The following ARHGEF3 variants were observed in gnomAD, a reference collection of about 807,000 sequenced individuals.
The protein encoded by ARHGEF3 is 59.8 kDA protein.
A neutral mutation model predicts 63.2 loss-of-function variants in ARHGEF3; 28 were observed. That is an observed-to-expected ratio of 0.44 (90% CI 0.33 to 0.61). The LOEUF (loss-of-function observed/expected upper bound fraction) is 0.61, where lower values mean the gene tolerates loss of function less well. ARHGEF3 is among the 20% of genes least tolerant of loss of function. The pLI, the probability that ARHGEF3 is intolerant of heterozygous loss-of-function variation, is 0.03. For missense variants in ARHGEF3, 533 were observed against 659.3 expected (o/e 0.81, Z 2.10); for synonymous variants, 266 against 254.2 (o/e 1.05, Z -0.44).
chr3:56,982,711 T>C (rs1315065824), intron 2 of ARHGEF3, among the ~76,000 whole-genome samples: 6 of 152,144 alleles, frequency 3.9e-5, no homozygotes, highest in Admixed American at 2.6e-4. Flanking sequence ...AATGAGGAAA[T>C]GGATGATGGA....
In ARHGEF3 at chr3:57,001,022, C is replaced by T. The variant is rs770652622; in HGVS notation, c.62+34066G>A. 7.0e-4 allele frequency among the ~76,000 whole-genome samples: 106 copies of T among 152,244 alleles called. 1 individual carries two copies. Among genetic ancestry groups the T allele is most frequent in the Middle Eastern group, 3.4e-3 (1 of 294 alleles). ...TGGCACTATCATAAGTCACTGCAGC[C>T]TCAAATCCCTGGGCTCAAGCAATCC... On this transcript the variant is annotated intron_variant, in intron 2 of 12. Transcript: ENST00000338458.
At chr3:56,828,901 CATTT>C (rs979535473) in intron 4 of ARHGEF3, among the ~76,000 whole-genome samples, 7 of 152,020 alleles carry the variant, frequency 4.6e-5, no homozygotes, top group Admixed American at 3.3e-4. Flanking sequence ...TTCTCTGGGA[CATTT>C]ATTTATTAAT....
intron 6 of ARHGEF3, among the ~76,000 whole-genome samples, chr3:56,750,557 T>C (rs2107754213): frequency 6.6e-6 from 1 of 152,288 alleles, no homozygotes; most frequent in Non-Finnish European, 1.5e-5. Context: ...TGAGATTTTT[T>C]TTATGGCCTA....
At chr3:56,865,956 C>T (rs74983129) in intron 4 of ARHGEF3, among the ~76,000 whole-genome samples, 3 of 151,596 alleles carry the variant, frequency 2.0e-5, no homozygotes, top group South Asian at 2.1e-4. Context: ...CTCTGTTAGC[C>T]GTAGGTGAAT....
intron 2 of ARHGEF3, among the ~76,000 whole-genome samples, chr3:56,970,110 G>A (rs1036149796): frequency 2.0e-5 from 3 of 152,284 alleles, no homozygotes; most frequent in East Asian, 1.9e-4. Flanking sequence ...TCTGGAATTC[G>A]ATAGTGGTGA....
In ARHGEF3 at chr3:56,729,497, A is replaced by C; in HGVS notation, c.1354T>G (p.Leu452Val). The C allele has an allele frequency of 6.2e-7, 1 of 1,613,956 alleles. No individual in the cohort carries two copies. Among genetic ancestry groups the C allele is most frequent in the Non-Finnish European group, 8.5e-7 (1 of 1,179,994 alleles). ...NCIRQAKETV[L>V]CAAGQAGVLD... ...ACCCCAGCTTGCCCGGCAGCACACA[A>C]AACTGTTTCTTTGGCTTGACGAATA... Residue 452 changes from leucine (L) to valine (V), a missense_variant, in exon 10 of 10, where the codon TTG becomes GTG. Physicochemically the swap from Leu to Val is conservative, Grantham distance 32. This residue lies in a region of ARHGEF3 where 115 missense variants were observed against 103.4 expected (regional missense o/e 1.11). Coordinates refer to ENST00000296315, the MANE Select transcript of ARHGEF3 (RefSeq NM_019555.3).
upstream of ARHGEF3, chr3:56,802,018 C>T (rs2037684697): frequency 1.4e-6 from 2 of 1,426,920 alleles, no homozygotes; most frequent in South Asian, 2.9e-5. Flanking sequence ...GGCGGGCCGC[C>T]GGCTCGGCAC....
At position 56,995,620 on chromosome 3, in the gene ARHGEF3, C is replaced by CGAGAGAGAGAGAGAGAGA. The variant is rs66778716; in HGVS notation, c.63-36749_63-36732dup. 1.4e-3 allele frequency among the ~76,000 whole-genome samples: 162 copies of CGAGAGAGAGAGAGAGAGA among 113,218 alleles called. 1 individual carries two copies. The highest frequency in any genetic ancestry group is 3.6e-3 in the South Asian group (12 of 3,318). 74.3% of individuals were successfully genotyped at this position (113,218 alleles called of 152,430 possible). ...AGGGGGCAAAAGAGAGTAAATTTTC[C>CGAGAGAGAGAGAGAGAGA]GAGAGAGAGAGAGAGAGAGAGAGAG... is the stretch of plus-strand genomic sequence containing the variant. On this transcript the variant is annotated intron_variant, in intron 2 of 12. Coordinates refer to the ARHGEF3 transcript ENST00000338458.
intron 1 of ARHGEF3, 123 bp downstream of exon 1, chr3:56,801,580 C>A: frequency 7.7e-7 from 1 of 1,298,042 alleles, no homozygotes; most frequent in Non-Finnish European, 1.0e-6. Flanking sequence ...GAAAGTGGCA[C>A]ACACGGAGAG....
rs1378018217 is a variant in ARHGEF3 at position 57,063,290 on chromosome 3, AG to A, written c.-28+15935del. Among the ~76,000 whole-genome samples the A allele has an allele frequency of 2.0e-5, 3 of 152,192 alleles. No individual in the cohort carries two copies. In the East Asian group the frequency reaches 5.8e-4, roughly 29 times the overall value. On this transcript the variant is annotated intron_variant, in intron 1 of 12. Coordinates refer to the ARHGEF3 transcript ENST00000338458. ...CCAGATCACATGGGGCCTTGCAGCC[AG>A]CCACCCTAAAGGCTTTGGCTTTGTT...
chr3:56,809,933 A>G (rs1205656526), intron 4 of ARHGEF3, among the ~76,000 whole-genome samples: 1 of 151,980 alleles, frequency 6.6e-6, no homozygotes, highest in Non-Finnish European at 1.5e-5. Context: ...GGGTTTCACC[A>G]TGTGGGTCAG....
chr3:56,801,781 G>A lies in ARHGEF3; in HGVS notation c.18C>T (p.Tyr6=). 6.4e-7 allele frequency: 1 copy of A among 1,565,972 alleles called. No homozygotes were observed. Among genetic ancestry groups the A allele is most frequent in the Non-Finnish European group, 8.7e-7 (1 of 1,154,062 alleles). ...CTCTCTTGACCGTGAGGTAGAAGGG[G>A]TAATCCTTGGCCACCATGGCGGCTG... MVAKD[Y]PFYLTVKRAN... Residue 6 remains tyrosine (Y), a synonymous_variant, in exon 1 of 10, where the codon TAC becomes TAT. Coordinates refer to ENST00000296315, the MANE Select transcript of ARHGEF3 (RefSeq NM_019555.3).
At chr3:57,015,438 G>T (rs781407867) in intron 2 of ARHGEF3, among the ~76,000 whole-genome samples, 2 of 151,858 alleles carry the variant, frequency 1.3e-5, no homozygotes, top group Admixed American at 1.3e-4. Context: ...ATTCGGAAAG[G>T]GATATTTAAA....
chr3:57,064,471 T>C (rs976488325), intron 1 of ARHGEF3, among the ~76,000 whole-genome samples: 1 of 152,108 alleles, frequency 6.6e-6, no homozygotes, highest in African/African-American at 2.4e-5. Context: ...TACAGGTGCA[T>C]GCCACCACGC....
chr3:56,843,944 G>T (rs2039401612), intron 4 of ARHGEF3, among the ~76,000 whole-genome samples: 1 of 152,176 alleles, frequency 6.6e-6, no homozygotes, highest in South Asian at 2.1e-4. Context: ...AGGCAGAATT[G>T]TGACTCACAA....
intron 4 of ARHGEF3, among the ~76,000 whole-genome samples, chr3:56,876,889 G>C (rs903270087): frequency 2.0e-5 from 3 of 152,308 alleles, no homozygotes; most frequent in South Asian, 2.1e-4. Context: ...ATGGGTGGAG[G>C]GGGGAAGTAA....
chr3:56,784,767 G>A (rs141097069), intron 1 of ARHGEF3, among the ~76,000 whole-genome samples: 1 of 152,120 alleles, frequency 6.6e-6, no homozygotes, highest in Non-Finnish European at 1.5e-5. Context: ...CCCAAAGAGT[G>A]CATTGATTCT....
chr3:56,832,561 C>T (rs1037270621), intron 4 of ARHGEF3, among the ~76,000 whole-genome samples: 1 of 152,164 alleles, frequency 6.6e-6, no homozygotes, highest in Non-Finnish European at 1.5e-5. Context: ...ATATATCCTA[C>T]CAGTCCATTT....
chr3:56,744,841 A>G (rs1340733683), intron 7 of ARHGEF3, among the ~76,000 whole-genome samples: 2 of 151,880 alleles, frequency 1.3e-5, no homozygotes, highest in East Asian at 3.9e-4. Flanking sequence ...TTTTGGGGCT[A>G]GGCTAAAAGG....
Sources: gnomAD v4.1 joint callset for allele counts (sites outside exome capture counted in the v4.1 genomes callset) on GRCh38, gnomAD v4.1.1 for gene constraint, gnomAD v4.1.1 regional missense constraint, MANE v1.5 for transcripts, NCBI Gene and HGNC (gene_info 2026-07-23, HGNC 2026-07-21) for gene names.